PPA2: variants seen among roughly 807,000 people sequenced by gnomAD.
PPA2 encodes the protein inorganic pyrophosphatase 2, also known as inorganic pyrophosphatase 2, mitochondrial.
A neutral mutation model predicts 49.5 loss-of-function variants in PPA2; 48 were observed. The observed-to-expected ratio is 0.97, with a 90% confidence interval of 0.77 to 1.23. PPA2 has a LOEUF of 1.23. Ranked by LOEUF, PPA2 falls within the 50% of genes most tolerant of loss-of-function variation. PPA2 has a pLI of 0.00. For missense variants in PPA2, 429 were observed against 410.1 expected (o/e 1.05, Z -0.40); for synonymous variants, 131 against 139.9 (o/e 0.94, Z 0.45).
chr4:105,395,898 T>C (rs1734119985), intron 9 of PPA2, among the ~76,000 whole-genome samples: 1 of 152,178 alleles, frequency 6.6e-6, no homozygotes, highest in South Asian at 2.1e-4. Context: ...GTGATCATGA[T>C]GAATAAGGAG....
chr4:105,466,547 AAG>A (rs1350947159), intron 1 of PPA2, among the ~76,000 whole-genome samples: 3 of 152,212 alleles, frequency 2.0e-5, no homozygotes, highest in Non-Finnish European at 4.4e-5. Flanking sequence ...CCTCAGAAGA[AAG>A]AATTCAACTG....
chr4:105,443,178 A>G (rs1724444590), intron 5 of PPA2, among the ~76,000 whole-genome samples: 1 of 152,144 alleles, frequency 6.6e-6, no homozygotes, highest in African/African-American at 2.4e-5. Context: ...AAAGTTTTAA[A>G]GGATGATTGG....
At chr4:105,444,741 C>T (rs550060557) in intron 5 of PPA2, among the ~76,000 whole-genome samples, 3 of 152,118 alleles carry the variant, frequency 2.0e-5, no homozygotes, top group African/African-American at 7.2e-5. Flanking sequence ...ATTAGTAGTG[C>T]CTATTATACC....
At chr4:105,468,057 G>T (rs535651671) in intron 1 of PPA2, among the ~76,000 whole-genome samples, 2 of 152,330 alleles carry the variant, frequency 1.3e-5, no homozygotes, top group Non-Finnish European at 2.9e-5. Context: ...GGCTTTATGG[G>T]CCAAATCTGT....
rs1274607664 is a variant in PPA2, at chr4:105,369,181, T to C, written c.*544A>G. ...TTCCTTCAGGTATAGAAACTAGAAA[T>C]GGTCAACTCAATGCCTCTAAATTTG... On this transcript the variant is annotated 3_prime_UTR_variant, in exon 12 of 12. Coordinates refer to ENST00000341695, the MANE Select transcript of PPA2 (RefSeq NM_176869.3). 1 of 152,004 alleles carries C rather than the reference T, an allele frequency of 6.6e-6. No individual in the cohort carries two copies. The highest frequency in any genetic ancestry group is 1.5e-5 in the Non-Finnish European group (1 of 68,006). 9.4% of individuals were successfully genotyped at this position (152,004 alleles called of 1,614,324 possible).
chr4:105,390,165 G>A (rs1322065938), intron 9 of PPA2, among the ~76,000 whole-genome samples: 3 of 152,118 alleles, frequency 2.0e-5, no homozygotes, highest in African/African-American at 4.8e-5. Context: ...ACTAGCTCAC[G>A]ATGGATTAAA....
chr4:105,407,939 T>C (rs9968402), intron 7 of PPA2, among the ~76,000 whole-genome samples: 5,429 of 152,222 alleles, frequency 0.036, 324 homozygotes, highest in African/African-American at 0.12. Context: ...ACTATATAGT[T>C]ATCAAAACTC....
chr4:105,405,275 A>G, intron 7 of PPA2: 7 of 723,676 alleles, frequency 9.7e-6, no homozygotes, highest in Non-Finnish European at 1.2e-5. Flanking sequence ...GTATCTAGGT[A>G]TACATATATA....
At chr4:105,395,576 A>C (rs1169914581) in intron 9 of PPA2, among the ~76,000 whole-genome samples, 5 of 152,208 alleles carry the variant, frequency 3.3e-5, no homozygotes, top group Non-Finnish European at 7.3e-5. Flanking sequence ...CGAGGCTTTA[A>C]ACAATACTGA....
At chr4:105,424,924 A>G (rs1723423941) in intron 6 of PPA2, among the ~76,000 whole-genome samples, 1 of 152,242 alleles carries the variant, frequency 6.6e-6, no homozygotes, top group Non-Finnish European at 1.5e-5. Context: ...GCAAAGAATA[A>G]TGGCCAGAGA....
intron 7 of PPA2, among the ~76,000 whole-genome samples, chr4:105,409,766 G>C (rs1442380347): frequency 2.0e-5 from 3 of 152,214 alleles, no homozygotes; most frequent in Non-Finnish European, 4.4e-5. Flanking sequence ...TGATACCCAG[G>C]CGAATAGGGT....
chr4:105,426,935 C>A (rs138356838), intron 6 of PPA2, among the ~76,000 whole-genome samples: 225 of 152,330 alleles, frequency 1.5e-3, no homozygotes, highest in Non-Finnish European at 2.7e-3. Context: ...AGCCTGACTG[C>A]GAGACACCTC....
At chr4:105,464,468 G>T (rs1723218694) in intron 1 of PPA2, among the ~76,000 whole-genome samples, 1 of 152,184 alleles carries the variant, frequency 6.6e-6, no homozygotes, top group East Asian at 1.9e-4. Flanking sequence ...ATGTTGAAAT[G>T]AGTTAAGACT....
At chr4:105,464,398 A>G (rs968903611) in intron 1 of PPA2, among the ~76,000 whole-genome samples, 2 of 152,198 alleles carry the variant, frequency 1.3e-5, no homozygotes, top group Non-Finnish European at 2.9e-5. Context: ...TTACAGGCTC[A>G]TAGGTAGAAG....
chr4:105,443,675 C>T (rs1724478157), intron 5 of PPA2, among the ~76,000 whole-genome samples: 1 of 151,464 alleles, frequency 6.6e-6, no homozygotes, highest in Non-Finnish European at 1.5e-5. Context: ...TCTCCAAGAT[C>T]AGTCAGGTTT....
intron 10 of PPA2, among the ~76,000 whole-genome samples, chr4:105,375,477 A>G (rs1733212262): frequency 6.6e-6 from 1 of 152,146 alleles, no homozygotes; most frequent in African/African-American, 2.4e-5. Context: ...TAAATATTGT[A>G]GTGTGATCTT....
intron 3 of PPA2, among the ~76,000 whole-genome samples, chr4:105,450,661 G>A (rs1457335755): frequency 3.6e-5 from 5 of 138,046 alleles, no homozygotes; most frequent in African/African-American, 5.4e-5. Flanking sequence ...AGGCTGGAGC[G>A]CAGTGGCGCA....
chr4:105,416,911 C>G (rs1022943478), intron 7 of PPA2, among the ~76,000 whole-genome samples: 6 of 152,098 alleles, frequency 3.9e-5, no homozygotes, highest in African/African-American at 1.4e-4. Flanking sequence ...TAACACATGT[C>G]AAAGTGAGTA....
intron 7 of PPA2, among the ~76,000 whole-genome samples, chr4:105,420,054 C>T (rs563211234): frequency 6.6e-6 from 1 of 151,916 alleles, no homozygotes; most frequent in African/African-American, 2.4e-5. Flanking sequence ...CTCACCACAA[C>T]CTCCGCCTCC....
Sources: allele counts gnomAD v4.1 joint callset (sites outside exome capture counted in the v4.1 genomes callset), GRCh38; gene constraint gnomAD v4.1.1; transcripts MANE v1.5; gene names NCBI Gene and HGNC (gene_info 2026-07-23, HGNC 2026-07-21).